The following NTNG1 variants were observed in gnomAD, a reference collection of about 807,000 sequenced individuals.
The protein encoded by NTNG1 is netrin-G1.
In NTNG1, 16 loss-of-function variants were observed where a neutral mutation model predicts 54.0. The ratio of observed to expected loss-of-function variants is 0.30; its 90% confidence interval spans 0.20 to 0.45. NTNG1 has a LOEUF of 0.45. Among genes scored for constraint, NTNG1 ranks in the 20% least tolerant of loss-of-function variants. The pLI, the probability that NTNG1 is intolerant of heterozygous loss-of-function variation, is 1.00. For missense variants in NTNG1, 530 were observed against 678.7 expected (o/e 0.78, Z 2.43); for synonymous variants, 255 against 263.1 (o/e 0.97, Z 0.30).
chr1:107,384,305 G>T (rs1345903760), intron 3 of NTNG1, among the ~76,000 whole-genome samples: 3 of 152,152 alleles, frequency 2.0e-5, no homozygotes, highest in Non-Finnish European at 4.4e-5. Context: ...AAGTTTAGAG[G>T]CTCAAGTAAG....
At chr1:107,301,817 TTAGA>T (rs1666337731) in intron 2 of NTNG1, among the ~76,000 whole-genome samples, 1 of 152,282 alleles carries the variant, frequency 6.6e-6, no homozygotes, top group African/African-American at 2.4e-5. Context: ...TAGGTTAAAA[TTAGA>T]TAGGTTTTCT....
intron 3 of NTNG1, among the ~76,000 whole-genome samples, chr1:107,341,308 G>T (rs1036081003): frequency 1.3e-5 from 2 of 151,608 alleles, no homozygotes; most frequent in Admixed American, 6.6e-5. Flanking sequence ...ATATCCTATT[G>T]TACTGCCATT....
chr1:107,335,914 G>C (rs146595436), intron 3 of NTNG1, among the ~76,000 whole-genome samples: 1 of 151,818 alleles, frequency 6.6e-6, no homozygotes. Flanking sequence ...CTGCAAAACA[G>C]TGCTGAAACT....
At chr1:107,195,286 G>A (rs1050020722) in intron 2 of NTNG1, among the ~76,000 whole-genome samples, 4 of 151,838 alleles carry the variant, frequency 2.6e-5, no homozygotes, top group African/African-American at 9.7e-5. Flanking sequence ...TTCTCAAAAG[G>A]TATTCAGAAT....
intron 3 of NTNG1, among the ~76,000 whole-genome samples, chr1:107,326,103 G>A (rs1455438061): frequency 6.6e-6 from 1 of 152,102 alleles, no homozygotes; most frequent in African/African-American, 2.4e-5. Context: ...TAGTGGGAAC[G>A]CAGAATGGAG....
intron 5 of NTNG1, among the ~76,000 whole-genome samples, chr1:107,411,192 C>CA: frequency 5.9e-5 from 1 of 17,084 alleles, no homozygotes; most frequent in Middle Eastern, 0.17. Context: ...TCCTGTCCCC[C>CA]ACCCTAACTT....
At chr1:107,214,874 C>T (rs1162495221) in intron 2 of NTNG1, among the ~76,000 whole-genome samples, 5 of 151,388 alleles carry the variant, frequency 3.3e-5, no homozygotes, top group Non-Finnish European at 7.4e-5. Context: ...ACATTTCTCT[C>T]ATCATTAGTG....
intron 2 of NTNG1, among the ~76,000 whole-genome samples, chr1:107,252,071 G>T (rs1319149888): frequency 6.6e-6 from 1 of 152,172 alleles, no homozygotes; most frequent in African/African-American, 2.4e-5. Context: ...TTTGTAAAAT[G>T]AGGACAGTAG....
intron 2 of NTNG1, among the ~76,000 whole-genome samples, chr1:107,290,642 CA>C (rs1393437367): frequency 3.3e-5 from 5 of 151,962 alleles, no homozygotes; most frequent in Non-Finnish European, 7.4e-5. Context: ...CATATGGACA[CA>C]AACCAGGAAG....
At chr1:107,312,269 T>C (rs945822945) in intron 2 of NTNG1, among the ~76,000 whole-genome samples, 2 of 152,112 alleles carry the variant, frequency 1.3e-5, no homozygotes, top group African/African-American at 2.4e-5. Flanking sequence ...ATAAGGAATA[T>C]AAGATGACTC....
intron 3 of NTNG1, among the ~76,000 whole-genome samples, chr1:107,361,516 G>A (rs577094477): frequency 6.6e-6 from 1 of 150,940 alleles, no homozygotes; most frequent in Non-Finnish European, 1.5e-5. Context: ...AGCCTCCAGA[G>A]TAGCTGGGAT....
chr1:107,218,340 G>C (rs1017790345), intron 2 of NTNG1, among the ~76,000 whole-genome samples: 4 of 152,092 alleles, frequency 2.6e-5, no homozygotes, highest in African/African-American at 9.7e-5. Context: ...ATTTACATGA[G>C]TCTTTATGTG....
intron 5 of NTNG1, among the ~76,000 whole-genome samples, chr1:107,425,210 G>A (rs771989806): frequency 3.9e-5 from 6 of 152,008 alleles, no homozygotes; most frequent in Non-Finnish European, 8.8e-5. Context: ...TAGATTCAGG[G>A]GGTACATGTG....
intron 2 of NTNG1, among the ~76,000 whole-genome samples, chr1:107,315,781 C>G (rs1221218195): frequency 1.3e-5 from 2 of 152,072 alleles, no homozygotes; most frequent in East Asian, 3.8e-4. Flanking sequence ...TCCAACTAAC[C>G]TGTAAATGAA....
chr1:107,224,060 G>C (rs1423652121), intron 2 of NTNG1, among the ~76,000 whole-genome samples: 1 of 152,194 alleles, frequency 6.6e-6, no homozygotes, highest in Non-Finnish European at 1.5e-5. Flanking sequence ...TAATGGACCA[G>C]TTAACTTCTT....
Position 107,480,997 on chromosome 1 carries a change from C to G in NTNG1, c.*157C>G. On this transcript the variant is annotated 3_prime_UTR_variant, in exon 8 of 8. Transcript: ENST00000370068. ...TAACTGAACTAAGCCATATTTATCACCCGTGGACAGCACATCCGAGTCAAG... is the reference window on the plus strand; with the variant it reads ...TAACTGAACTAAGCCATATTTATCAGCCGTGGACAGCACATCCGAGTCAAG... 2 of 604,222 alleles carry G rather than the reference C, an allele frequency of 3.3e-6. No individual in the cohort carries two copies. Among genetic ancestry groups the G allele is most frequent in the Non-Finnish European group, 5.8e-6 (2 of 342,000 alleles). 37.4% of individuals were successfully genotyped at this position (604,222 alleles called of 1,614,324 possible). A position where few individuals can be genotyped will look rare whatever the true frequency, so the allele number is the denominator to read the frequency against.
chr1:107,177,285 A>G (rs1312531177), intron 2 of NTNG1, among the ~76,000 whole-genome samples: 1 of 152,118 alleles, frequency 6.6e-6, no homozygotes, highest in East Asian at 1.9e-4. Context: ...AAGAGCTATG[A>G]AAAGCAAGTC....
chr1:107,160,112 C>A (rs1243024773), intron 2 of NTNG1, among the ~76,000 whole-genome samples: 1 of 152,100 alleles, frequency 6.6e-6, no homozygotes, highest in East Asian at 1.9e-4. Context: ...CAACTGTTAT[C>A]ATATAGCCAA....
At chr1:107,413,241 C>T (rs1422221142) in intron 5 of NTNG1, among the ~76,000 whole-genome samples, 6 of 151,526 alleles carry the variant, frequency 4.0e-5, no homozygotes, top group Non-Finnish European at 8.8e-5. Flanking sequence ...CAGCTTACTG[C>T]AAGCTCCACC....
Sources: gnomAD v4.1 joint callset for allele counts (sites outside exome capture counted in the v4.1 genomes callset) on GRCh38, gnomAD v4.1.1 for gene constraint, MANE v1.5 for transcripts, NCBI Gene and HGNC (gene_info 2026-07-23, HGNC 2026-07-21) for gene names.